Variants in ARAP2 observed in about 807,000 individuals in gnomAD.
The protein encoded by ARAP2 is ArfGAP with RhoGAP domain, ankyrin repeat and PH domain 2, also known as arf-GAP with Rho-GAP domain, ANK repeat and PH domain-containing protein 2.
Under a neutral mutation model 194.5 loss-of-function variants are expected in ARAP2, and 148 were observed. The ratio of observed to expected loss-of-function variants is 0.76; its 90% confidence interval spans 0.67 to 0.87. The LOEUF is 0.87. ARAP2 is among the 40% of genes least tolerant of loss of function. The pLI is 0.00. For missense variants in ARAP2, 2,128 were observed against 1,989.7 expected (o/e 1.07, Z -1.32); for synonymous variants, 695 against 683.5 (o/e 1.02, Z -0.26).
At chr4:36,228,186 G>A (rs1750731824) in intron 2 of ARAP2, among the ~76,000 whole-genome samples, 1 of 152,110 alleles carries the variant, frequency 6.6e-6, no homozygotes, top group Non-Finnish European at 1.5e-5. Context: ...ACGCAGCAGA[G>A]ATACAAACAT....
At chr4:36,151,919 T>C (rs1429175162) in intron 15 of ARAP2, among the ~76,000 whole-genome samples, 1 of 152,244 alleles carries the variant, frequency 6.6e-6, no homozygotes, top group Non-Finnish European at 1.5e-5. Context: ...TTATTTGAGC[T>C]ATTCTTAGAA....
At chr4:36,122,170 G>A (rs761682041) in intron 22 of ARAP2, among the ~76,000 whole-genome samples, 3 of 151,766 alleles carry the variant, frequency 2.0e-5, no homozygotes, top group Non-Finnish European at 2.9e-5. Flanking sequence ...CTGTTACTGG[G>A]AGTGTAAATT....
chr4:36,034,460 A>G (rs1253904114), intron 5 of ARAP2, among the ~76,000 whole-genome samples: 1 of 152,084 alleles, frequency 6.6e-6, no homozygotes, highest in Non-Finnish European at 1.5e-5. Context: ...TTGTTGGTGT[A>G]TAGGAATGCT....
intron 27 of ARAP2, among the ~76,000 whole-genome samples, chr4:36,092,428 G>C (rs2109391191): frequency 6.6e-6 from 1 of 152,240 alleles, no homozygotes; most frequent in South Asian, 2.1e-4. Flanking sequence ...TGGCCAACAT[G>C]GGGAAACCCG....
chr4:36,229,088 A>G lies in ARAP2; in HGVS notation c.399T>C (p.Ser133=), dbSNP rs762965095. Residue 133 remains serine (S), a synonymous_variant, in exon 2 of 33, where the codon AGT becomes AGC. Transcript: ENST00000303965. ...ATTGAGGATACTGGCTTCTTTCCACACTTGCATCACTGTCTTCAAGATTTT... is the reference window on the plus strand; with the variant it reads ...ATTGAGGATACTGGCTTCTTTCCACGCTTGCATCACTGTCTTCAAGATTTT... ...VRKNLEDSDA[S]VERSQYPQSD... 4 of 1,614,032 alleles carry G rather than the reference A, an allele frequency of 2.5e-6. No homozygotes were observed. Among genetic ancestry groups the G allele is most frequent in the Admixed American group, 1.7e-5 (1 of 59,998 alleles).
At chr4:36,032,723 T>C (rs913995646) in intron 5 of ARAP2, among the ~76,000 whole-genome samples, 43 of 152,166 alleles carry the variant, frequency 2.8e-4, no homozygotes, top group African/African-American at 9.7e-4. Flanking sequence ...GTTTGTTATA[T>C]AGGTAAACTC....
intron 8 of ARAP2, among the ~76,000 whole-genome samples, chr4:36,013,523 G>A (rs1341949008): frequency 6.6e-6 from 1 of 152,128 alleles, no homozygotes; most frequent in African/African-American, 2.4e-5. Flanking sequence ...ATGGATACAG[G>A]GTGTTTGGGC....
chr4:36,155,685 C>G (rs943335007), intron 15 of ARAP2, among the ~76,000 whole-genome samples: 12 of 148,914 alleles, frequency 8.1e-5, no homozygotes, highest in African/African-American at 3.0e-4. Flanking sequence ...TTTTTTAGAC[C>G]GAGTCTCGCT....
At chr4:36,077,963 A>G (rs529913651) in intron 31 of ARAP2, among the ~76,000 whole-genome samples, 4 of 152,260 alleles carry the variant, frequency 2.6e-5, no homozygotes, top group African/African-American at 7.2e-5. Flanking sequence ...ACCTACTCAG[A>G]AAGCCATTTC....
intron 1 of ARAP2, among the ~76,000 whole-genome samples, chr4:36,242,956 G>A (rs562650965): frequency 2.6e-4 from 39 of 152,240 alleles, no homozygotes; most frequent in Admixed American, 2.0e-4. Flanking sequence ...AAGAAGCCAG[G>A]AAGATATTTG....
At chr4:36,217,211 G>A (rs924253548) in intron 2 of ARAP2, among the ~76,000 whole-genome samples, 6 of 152,158 alleles carry the variant, frequency 3.9e-5, no homozygotes, top group Non-Finnish European at 8.8e-5. Flanking sequence ...AAAAGGAGTT[G>A]TTTCAGAATG....
At position 36,210,659 on chromosome 4, in the gene ARAP2, C is replaced by A. The variant is rs1411328091; in HGVS notation, c.1218G>T (p.Leu406Phe). ...ATTCTGATTCAGAAGCAGTGTCTATCAAAAAATTGTTTTTGTCCTCTCGAG... is the reference window on the plus strand; with the variant it reads ...ATTCTGATTCAGAAGCAGTGTCTATAAAAAAATTGTTTTTGTCCTCTCGAG... Reference protein sequence around the residue: ...WIPREDKNNFLIDTASESEYS... With the variant: ...WIPREDKNNFFIDTASESEYS... Residue 406 changes from leucine to phenylalanine, a missense_variant, in exon 6 of 33, where the codon TTG (leucine) becomes TTT (phenylalanine). Leu to Phe is a conservative substitution (Grantham distance 22). Coordinates refer to ENST00000303965, the MANE Select transcript of ARAP2 (RefSeq NM_015230.4). 11 of 1,613,218 alleles carry A rather than the reference C, an allele frequency of 6.8e-6. No homozygotes were observed. The Admixed American group carries it at 8.3e-5, about 12-fold the overall frequency.
chr4:36,127,367 T>C (rs969792088), intron 21 of ARAP2, among the ~76,000 whole-genome samples: 2 of 152,008 alleles, frequency 1.3e-5, no homozygotes, highest in African/African-American at 4.8e-5. Flanking sequence ...TTGAGAAACA[T>C]TAGAAGGCAA....
chr4:36,016,723 A>G (rs999431535), intron 6 of ARAP2, among the ~76,000 whole-genome samples: 1 of 152,170 alleles, frequency 6.6e-6, no homozygotes, highest in Non-Finnish European at 1.5e-5. Context: ...TTAAAAATAT[A>G]TTATTTCTCC....
At chr4:36,226,120 A>C (rs1013084291) in intron 2 of ARAP2, among the ~76,000 whole-genome samples, 2 of 151,990 alleles carry the variant, frequency 1.3e-5, no homozygotes, top group African/African-American at 4.8e-5. Context: ...AAGAAAAGAA[A>C]GGTTAGGATA....
chr4:36,091,782 T>C, intron 28 of ARAP2, 99 bp downstream of exon 28: 9 of 1,306,758 alleles, frequency 6.9e-6, no homozygotes, highest in Non-Finnish European at 9.2e-6. Context: ...TTTTATATAC[T>C]ACAGGCAGTG....
chr4:36,192,129 C>T (rs1372591540), intron 7 of ARAP2, among the ~76,000 whole-genome samples: 1 of 147,360 alleles, frequency 6.8e-6, no homozygotes, highest in East Asian at 2.1e-4. Context: ...ACAACAGAAA[C>T]TCTCTCTCCT....
rs117124091 is a variant in ARAP2, at chr4:36,136,885, T to C, written c.3264-3496A>G. 3.1e-4 allele frequency among the ~76,000 whole-genome samples: 47 copies of C among 149,742 alleles called. No individual in the cohort carries two copies. The East Asian group carries it at 9.2e-3, about 29-fold the overall frequency. On this transcript the variant is annotated intron_variant, in intron 19 of 32. Transcript: ENST00000303965. The stretch of plus-strand genomic sequence containing the variant: ...AAAACAGAATTTCCTGAGCAACTTA[T>C]TACAAAGTCACACTATTAGAATGGA...
intron 1 of ARAP2, among the ~76,000 whole-genome samples, chr4:36,240,027 C>T (rs1753218763): frequency 6.6e-6 from 1 of 152,164 alleles, no homozygotes; most frequent in African/African-American, 2.4e-5. Context: ...GTCCAGGCTT[C>T]CCCACTTTTT....
Sources: gnomAD v4.1 joint callset for allele counts (sites outside exome capture counted in the v4.1 genomes callset) on GRCh38, gnomAD v4.1.1 for gene constraint, MANE v1.5 for transcripts, NCBI Gene and HGNC (gene_info 2026-07-23, HGNC 2026-07-21) for gene names.